Variants in GTF2H2 observed in about 807,000 individuals in gnomAD.
GTF2H2 encodes the protein TFIIH basal transcription factor complex p44 subunit.
In GTF2H2, 2 loss-of-function variants were observed where a neutral mutation model predicts 16.5. The observed-to-expected ratio is 0.12, with a 90% CI of 0.05 to 0.38. The LOEUF (loss-of-function observed/expected upper bound fraction) is 0.38. Ranked by LOEUF, GTF2H2 falls within the 10% of genes least tolerant of loss-of-function variation. The pLI is 0.99. For missense variants in GTF2H2, 20 were observed against 137.0 expected (o/e 0.15, Z 4.26); for synonymous variants, 8 against 44.1 (o/e 0.18, Z 3.24).
At chr5:71,045,914 C>T (rs1752304626) in intron 11 of GTF2H2, among the ~76,000 whole-genome samples, 2 of 142,252 alleles carry the variant, frequency 1.4e-5, no homozygotes, top group Admixed American at 1.5e-4. Flanking sequence ...CCACCATGCC[C>T]AGCTATATAT....
intron 12 of GTF2H2, among the ~76,000 whole-genome samples, chr5:71,044,297 G>A (rs1752178209): frequency 2.6e-5 from 1 of 38,060 alleles, no homozygotes; most frequent in Non-Finnish European, 5.0e-5. Context: ...CACACAAAAG[G>A]GCTGATCAAC....
chr5:71,035,350 TAA>T (rs1420702626), exon 16 of GTF2H2: 1 of 35,932 alleles, frequency 2.8e-5, no homozygotes, highest in Non-Finnish European at 5.6e-5. Flanking sequence ...ACATAAATCA[TAA>T]AGATTCTATA....
In GTF2H2 at chr5:71,054,755, A is replaced by C. The variant is rs201756400; in HGVS notation, c.470+597T>G. ...TGTGTGTGTGTGTGTGTGTGTGTAT[A>C]TATATAATAGATATATAAGCTTTAA... On this transcript the variant is annotated intron_variant, in intron 8 of 15. Transcript: ENST00000274400. 5.5e-5 allele frequency among the ~76,000 whole-genome samples: 6 copies of C among 108,958 alleles called. No individual in the cohort carries two copies. In the South Asian group the frequency reaches 1.2e-3, roughly 22 times the overall value. 71.5% of individuals were successfully genotyped at this position (108,958 alleles called of 152,430 possible).
chr5:71,037,800 C>T (rs1255105942), intron 14 of GTF2H2, among the ~76,000 whole-genome samples: 28 of 69,382 alleles, frequency 4.0e-4, no homozygotes, highest in African/African-American at 1.6e-3. Flanking sequence ...GGCGAAACCC[C>T]ATCTCTACTA....
intron 7 of GTF2H2, among the ~76,000 whole-genome samples, chr5:71,056,969 AG>A (rs1435758726): frequency 9.4e-5 from 8 of 85,434 alleles, no homozygotes; most frequent in Non-Finnish European, 1.6e-4. Context: ...GGCTTATAAA[AG>A]TATCTTGTAA....
intron 8 of GTF2H2, among the ~76,000 whole-genome samples, chr5:71,054,353 C>T (rs1360407581): frequency 2.1e-5 from 3 of 145,994 alleles, no homozygotes; most frequent in African/African-American, 7.9e-5. Flanking sequence ...ACATGTGTTG[C>T]CTCCTTCTCA....
At chr5:71,052,272 A>C in intron 8 of GTF2H2, among the ~76,000 whole-genome samples, 2 of 131,504 alleles carry the variant, frequency 1.5e-5, no homozygotes, top group Non-Finnish European at 3.2e-5. Flanking sequence ...GGTTCATGCG[A>C]TTCTCCTGCC....
chr5:71,038,334 C>T (rs1333224739), intron 14 of GTF2H2, among the ~76,000 whole-genome samples: 1 of 67,186 alleles, frequency 1.5e-5, no homozygotes, highest in Middle Eastern at 4.8e-3. Flanking sequence ...TCAAGCAATC[C>T]TCCTATCTTG....
At position 71,054,712 on chromosome 5, in the gene GTF2H2, C is replaced by CGTGTGTGTGTGT. The variant is rs750011504; in HGVS notation, c.470+628_470+639dup. On this transcript the variant is annotated intron_variant, in intron 8 of 15. Transcript: ENST00000274400. The stretch of plus-strand genomic sequence containing the variant: ...TGTCTCGAAAAAAAATATATATATA[C>CGTGTGTGTGTGT]GTGTGTGTGTGTGTGTGTGTGTGTG... Among the ~76,000 whole-genome samples the CGTGTGTGTGTGT allele has an allele frequency of 1.8e-4, 19 of 105,290 alleles. No homozygotes were observed. In the South Asian group the frequency reaches 2.9e-3, roughly 16 times the overall value. 69.1% of individuals were successfully genotyped at this position (105,290 alleles called of 152,430 possible). A position where few individuals can be genotyped will look rare whatever the true frequency, so the allele number is the denominator to read the frequency against.
Position 71,054,862 on chromosome 5 carries a change from T to TTA in GTF2H2, c.470+488_470+489dup, listed in dbSNP as rs1270682785. ...TATATATATAATATGTATATAAAGC[T>TTA]TATATATATATATAAGCTTTAACTA... On this transcript the variant is annotated intron_variant, in intron 8 of 15. Coordinates refer to ENST00000274400, the Ensembl canonical transcript of GTF2H2. Among the ~76,000 whole-genome samples, 29 of 135,444 alleles carry TTA rather than the reference T, an allele frequency of 2.1e-4. 1 individual carries two copies. The highest frequency in any genetic ancestry group is 1.6e-3 in the East Asian group (8 of 4,968). The allele number at this position is 135,444 out of a possible 152,430, so 88.9% of individuals were successfully genotyped here. A position where few individuals can be genotyped will look rare whatever the true frequency, so the allele number is the denominator to read the frequency against.
intron 8 of GTF2H2, among the ~76,000 whole-genome samples, chr5:71,053,839 C>CA (rs1345604789): frequency 1.6e-4 from 21 of 134,140 alleles, no homozygotes; most frequent in African/African-American, 5.8e-4. Flanking sequence ...ATAGTTTTGA[C>CA]AGTCAATAAC....
chr5:71,052,035 A>G (rs1752764712), intron 8 of GTF2H2, among the ~76,000 whole-genome samples: 1 of 138,836 alleles, frequency 7.2e-6, no homozygotes, highest in African/African-American at 2.8e-5. Flanking sequence ...ACAGAGCGAG[A>G]CTCTCTCTCA....
intron 8 of GTF2H2, among the ~76,000 whole-genome samples, chr5:71,052,971 G>C (rs1476951726): frequency 4.0e-5 from 3 of 74,774 alleles, no homozygotes; most frequent in African/African-American, 1.8e-4. Context: ...GTCTTGCTAT[G>C]TTACCAGGAC....
chr5:71,058,601 C>A (rs1482516188), intron 7 of GTF2H2: 23 of 120,376 alleles, frequency 1.9e-4, no homozygotes, highest in African/African-American at 7.5e-4. Context: ...ACATATGCAG[C>A]AACTATATAT....
At chr5:71,039,562 TTTTTTCTC>T (rs1751950834) in intron 14 of GTF2H2, among the ~76,000 whole-genome samples, 1 of 146,434 alleles carries the variant, frequency 6.8e-6, no homozygotes, top group South Asian at 2.1e-4. Flanking sequence ...CTTTTTTTCT[TTTTTTCTC>T]GTATCATTCT....
In GTF2H2 at chr5:71,061,135, T is replaced by C; in HGVS notation, c.171+137A>G. The C allele has an allele frequency of 3.0e-5, 5 of 166,974 alleles. No individual in the cohort carries two copies. In the South Asian group the frequency reaches 3.8e-4, roughly 13 times the overall value. The allele number at this position is 166,974 out of a possible 1,614,324, so 10.3% of individuals were successfully genotyped here. ...GACTAGTAAAAATGGCATTTAATAA[T>C]TACATATTCTATGCACGTATTTTTA... On this transcript the variant is annotated intron_variant, in intron 4 of 15. Transcript: ENST00000274400.
chr5:71,057,589 G>A (rs1308076384), intron 7 of GTF2H2, among the ~76,000 whole-genome samples: 2 of 78,412 alleles, frequency 2.6e-5, no homozygotes, highest in African/African-American at 1.1e-4. Flanking sequence ...AAAGTACCTC[G>A]CTAAGCAGTC....
chr5:71,057,739 C>T (rs2150199669), intron 7 of GTF2H2: 2 of 58,762 alleles, frequency 3.4e-5, no homozygotes, highest in East Asian at 7.3e-4. Flanking sequence ...TCTTCCTACC[C>T]TACAAAATTA....
At chr5:71,057,520 C>T (rs1355857901) in intron 7 of GTF2H2, among the ~76,000 whole-genome samples, 1 of 124,532 alleles carries the variant, frequency 8.0e-6, no homozygotes, top group African/African-American at 3.1e-5. Flanking sequence ...AAAATATTAA[C>T]CATTTGTAAT....
Sources: allele counts gnomAD v4.1 joint callset (sites outside exome capture counted in the v4.1 genomes callset), GRCh38; gene constraint gnomAD v4.1.1; transcripts MANE v1.5; gene names NCBI Gene and HGNC (gene_info 2026-07-23, HGNC 2026-07-21).